MUSK: variants seen among roughly 807,000 people sequenced by gnomAD.
The protein encoded by MUSK is muscle associated receptor tyrosine kinase, also known as muscle, skeletal receptor tyrosine-protein kinase.
Under a neutral mutation model 88.7 loss-of-function variants are expected in MUSK, and 55 were observed. The observed-to-expected ratio is 0.62, with a 90% CI of 0.50 to 0.78. The LOEUF is 0.78. Among genes scored for constraint, MUSK ranks in the 30% least tolerant of loss-of-function variants. The pLI is 0.00. For missense variants in MUSK, 1,015 were observed against 1,074.3 expected, an observed-to-expected ratio of 0.94 and a Z score of 0.77; for synonymous variants, 387 against 391.9, an observed-to-expected ratio of 0.99 and a Z score of 0.15.
chr9:110,733,273 C>T (rs1295242286), intron 5 of MUSK, among the ~76,000 whole-genome samples: 2 of 152,080 alleles, frequency 1.3e-5, no homozygotes, highest in African/African-American at 4.8e-5. Context: ...GTTTCTCACT[C>T]ATCATTCTTG....
chr9:110,751,903 C>G (rs140562624), intron 7 of MUSK, among the ~76,000 whole-genome samples: 1 of 151,928 alleles, frequency 6.6e-6, no homozygotes, highest in Non-Finnish European at 1.5e-5. Context: ...AGTTGTTACT[C>G]GAAAACTGAA....
chr9:110,716,592 T>C (rs551712307), intron 5 of MUSK, among the ~76,000 whole-genome samples: 2 of 150,184 alleles, frequency 1.3e-5, no homozygotes, highest in South Asian at 2.1e-4. Flanking sequence ...GCAACTGTTA[T>C]GTTTGTCCTT....
intron 7 of MUSK, among the ~76,000 whole-genome samples, chr9:110,755,908 C>T (rs1266575170): frequency 1.7e-5 from 2 of 118,792 alleles, no homozygotes; most frequent in African/African-American, 6.7e-5. Flanking sequence ...GGTACATTCT[C>T]AGTGCCCAGT....
In MUSK at chr9:110,803,736, AG is replaced by A. The variant is rs375101345; in HGVS notation, c.*2749del. 1.8e-3 allele frequency among the ~76,000 whole-genome samples: 280 copies of A among 152,376 alleles called. 2 individuals are homozygous for A. Among genetic ancestry groups the A allele is most frequent in the African/African-American group, 6.3e-3 (263 of 41,592 alleles). ...GAGTTCTAATTACATTTTCAAGTTA[AG>A]ATCACTGACTTATTCCCTAAGTGCT... On this transcript the variant is annotated 3_prime_UTR_variant, in exon 15 of 15. Coordinates refer to ENST00000374448, the MANE Select transcript of MUSK (RefSeq NM_005592.4).
intron 14 of MUSK, among the ~76,000 whole-genome samples, chr9:110,789,992 G>A (rs1240454941): frequency 6.6e-6 from 1 of 152,170 alleles, no homozygotes; most frequent in African/African-American, 2.4e-5. Flanking sequence ...GAACAGAGAA[G>A]AGGTCCAAGG....
chr9:110,704,450 T>C (rs1189895635), intron 5 of MUSK, among the ~76,000 whole-genome samples: 1 of 152,224 alleles, frequency 6.6e-6, no homozygotes, highest in South Asian at 2.1e-4. Flanking sequence ...TATTAGTTAT[T>C]ATAGACACAT....
At chr9:110,712,576 G>A (rs1386480709) in intron 5 of MUSK, among the ~76,000 whole-genome samples, 2 of 152,090 alleles carry the variant, frequency 1.3e-5, no homozygotes, top group Admixed American at 6.6e-5. Context: ...ATATTTGATA[G>A]GTTTATGTTA....
rs2078119559 is a variant in MUSK at position 110,803,245 on chromosome 9, G to A, written c.*2257G>A. Among the ~76,000 whole-genome samples the A allele has an allele frequency of 6.6e-6, 1 of 152,146 alleles. No homozygotes were observed. The highest frequency in any genetic ancestry group is 1.5e-5 in the Non-Finnish European group (1 of 68,034). ...TGTATTCTGAGGCCTTTAAATATAT[G>A]AACTTAAACCTCACAACATCCCTGT... On this transcript the variant is annotated 3_prime_UTR_variant, in exon 15 of 15. Coordinates refer to ENST00000374448, the MANE Select transcript of MUSK (RefSeq NM_005592.4).
At chr9:110,740,814 C>T (rs952180398) in intron 6 of MUSK, among the ~76,000 whole-genome samples, 3 of 152,090 alleles carry the variant, frequency 2.0e-5, no homozygotes, top group Admixed American at 6.6e-5. Context: ...TGAAGTTTCC[C>T]GGGCCTGAAC....
intron 11 of MUSK, among the ~76,000 whole-genome samples, chr9:110,779,862 T>C (rs2077724657): frequency 6.6e-6 from 1 of 152,234 alleles, no homozygotes; most frequent in Non-Finnish European, 1.5e-5. Flanking sequence ...CTATGAGGCA[T>C]AGTGATCCAA....
chr9:110,797,901 T>C (rs778181286), intron 14 of MUSK, among the ~76,000 whole-genome samples: 2 of 152,240 alleles, frequency 1.3e-5, no homozygotes, highest in Non-Finnish European at 2.9e-5. Flanking sequence ...TATAACATCC[T>C]GAATTCCTGA....
At chr9:110,727,405 C>CTATT (rs2076900238) in intron 5 of MUSK, 1 of 152,032 alleles carries the variant, frequency 6.6e-6, no homozygotes, top group African/African-American at 2.4e-5. Flanking sequence ...AAGGGTTTCA[C>CTATT]TATTTATTTA....
At chr9:110,690,500 GTA>G (rs1403398117) in intron 3 of MUSK, among the ~76,000 whole-genome samples, 3 of 51,518 alleles carry the variant, frequency 5.8e-5, no homozygotes, top group Admixed American at 2.7e-4. Context: ...TTAAATATAA[GTA>G]TATATATAAA....
chr9:110,690,451 A>AAT (rs373903607), intron 3 of MUSK, among the ~76,000 whole-genome samples: 15,299 of 34,256 alleles, frequency 0.45, 3,435 homozygotes, highest in African/African-American at 0.69. Flanking sequence ...AGTATATATA[A>AAT]ATATATATTT....
In MUSK at chr9:110,785,600, T is replaced by A; in HGVS notation, c.1660T>A (p.Tyr554Asn). ...AGATAGACTTCATCCCAACCCCATG[T>A]ACCAGAGGATGCCGCTCCTTCTGAA... Reference protein sequence around the residue: ...LLDRLHPNPMYQRMPLLLNPK... With the variant: ...LLDRLHPNPMNQRMPLLLNPK... The change falls in exon 13 of 15, where the codon TAC becomes AAC. Residue 554 changes from tyrosine to asparagine, a missense_variant. Transcript: ENST00000374448. 6.2e-7 allele frequency: 1 copy of A among 1,613,526 alleles called. No homozygotes were observed. Among genetic ancestry groups the A allele is most frequent in the Non-Finnish European group, 8.5e-7 (1 of 1,179,674 alleles).
chr9:110,771,128 C>T (rs1265214068), intron 9 of MUSK, among the ~76,000 whole-genome samples: 3 of 151,044 alleles, frequency 2.0e-5, no homozygotes, highest in African/African-American at 7.3e-5. Flanking sequence ...AATGTTTTCA[C>T]CACCCATAAA....
intron 14 of MUSK, among the ~76,000 whole-genome samples, chr9:110,797,206 C>G (rs2078021079): frequency 1.2e-5 from 1 of 81,832 alleles, no homozygotes; most frequent in Non-Finnish European, 2.5e-5. Flanking sequence ...TTTCAGCATG[C>G]AAACAAGTAA....
At chr9:110,705,777 T>G (rs1208516941) in intron 5 of MUSK, among the ~76,000 whole-genome samples, 2 of 152,184 alleles carry the variant, frequency 1.3e-5, no homozygotes, top group Non-Finnish European at 2.9e-5. Context: ...AGAAGAAAGT[T>G]TTCAGTCTCA....
intron 9 of MUSK, among the ~76,000 whole-genome samples, chr9:110,772,372 C>A (rs1398309712): frequency 6.6e-6 from 1 of 151,698 alleles, no homozygotes; most frequent in East Asian, 1.9e-4. Flanking sequence ...TAGTTATTTC[C>A]TAAATCTATG....
Sources: allele counts gnomAD v4.1 joint callset (sites outside exome capture counted in the v4.1 genomes callset), GRCh38; gene constraint gnomAD v4.1.1; transcripts MANE v1.5; gene names NCBI Gene and HGNC (gene_info 2026-07-23, HGNC 2026-07-21).